The following RYR2 variants were observed in gnomAD, a reference collection of about 807,000 sequenced individuals.
RYR2 encodes the protein ryanodine receptor 2, also known as cardiac muscle ryanodine receptor-calcium release channel.
Under a neutral mutation model 601.1 loss-of-function variants are expected in RYR2, and 227 were observed. That is an observed-to-expected ratio of 0.38 (90% CI 0.34 to 0.42). The LOEUF (loss-of-function observed/expected upper bound fraction) is 0.42, where lower values mean the gene tolerates loss of function less well. Ranked by LOEUF, RYR2 falls within the 10% of genes least tolerant of loss-of-function variation. The pLI is 1.00. For synonymous variants in RYR2, 2,223 were observed against 2,175.1 expected (o/e 1.02, Z -0.61); for missense variants, 4,646 against 6,156.5 (o/e 0.75, Z 8.21).
In RYR2 at chr1:237,215,174, C is replaced by T. The variant is rs564973268; in HGVS notation, c.49-55323C>T. ...AAGCAACCTTGAAATTTGTTTTTTT[C>T]CCAGAATCATTTGAAAAACATTCCA... On this transcript the variant is annotated intron_variant, in intron 1 of 104. Transcript: ENST00000366574. 5.3e-5 allele frequency among the ~76,000 whole-genome samples: 8 copies of T among 152,208 alleles called. No individual in the cohort carries two copies. In the South Asian group the frequency reaches 1.7e-3, roughly 32 times the overall value.
chr1:237,151,005 A>G lies in RYR2; in HGVS notation c.48+108436A>G, dbSNP rs562209359. Among the ~76,000 whole-genome samples the G allele has an allele frequency of 5.3e-5, 8 of 152,284 alleles. No homozygotes were observed. The East Asian group carries it at 1.3e-3, about 26-fold the overall frequency. On this transcript the variant is annotated intron_variant, in intron 1 of 104. Transcript: ENST00000366574. ...GTTTCGATTTTGAAAGTGAGTTTAA[A>G]CAAATACACAGGAGTCACTGGAAAA...
intron 1 of RYR2, among the ~76,000 whole-genome samples, chr1:237,113,853 A>G (rs1287443543): frequency 1.3e-5 from 2 of 152,250 alleles, no homozygotes; most frequent in Admixed American, 1.3e-4. Context: ...TCACACAAGA[A>G]TAAAACTGTA....
intron 14 of RYR2, among the ~76,000 whole-genome samples, chr1:237,450,856 G>A (rs181117799): frequency 7.0e-4 from 107 of 152,188 alleles, no homozygotes; most frequent in African/African-American, 2.4e-3. Context: ...TTTCTCTTGT[G>A]CTTAACTGAC....
chr1:237,348,724 T>C (rs1251545526), intron 3 of RYR2, among the ~76,000 whole-genome samples: 1 of 151,938 alleles, frequency 6.6e-6, no homozygotes, highest in Non-Finnish European at 1.5e-5. Flanking sequence ...GGAGTCAGGA[T>C]CAAGAGAAAA....
chr1:237,395,181 G>T (rs1262668512), intron 10 of RYR2, among the ~76,000 whole-genome samples: 4 of 152,192 alleles, frequency 2.6e-5, no homozygotes, highest in African/African-American at 9.7e-5. Context: ...TATTCAGGAT[G>T]AAGTGAATGT....
At chr1:237,591,159 TTCCCCCTTCTCCTCC>T (rs1193499902) in intron 31 of RYR2, among the ~76,000 whole-genome samples, 167 bp downstream of exon 31, 35 of 35,928 alleles carry the variant, frequency 9.7e-4, no homozygotes, top group East Asian at 7.8e-3. Flanking sequence ...CCTCCTCCTC[TTCCCCCTTCTCCTCC>T]TCCCCCTTCT....
intron 1 of RYR2, among the ~76,000 whole-genome samples, chr1:237,152,874 C>T (rs563814739): frequency 2.6e-5 from 4 of 152,096 alleles, no homozygotes; most frequent in South Asian, 4.2e-4. Flanking sequence ...ACAGGCAACC[C>T]GCAGAATGGG....
At position 237,603,084 on chromosome 1, in the gene RYR2, A is replaced by G. The variant is rs147538365; in HGVS notation, c.4683+973A>G. Among the ~76,000 whole-genome samples, 195 of 152,348 alleles carry G rather than the reference A, an allele frequency of 1.3e-3. 1 individual carries two copies. The highest frequency in any genetic ancestry group is 4.6e-3 in the African/African-American group (192 of 41,596). ...CTGAATGTCAAAGTGAAGAAATTCAATGAAGGACGGGTAAACGGCGGGAGT... is the reference window on the plus strand; with the variant it reads ...CTGAATGTCAAAGTGAAGAAATTCAGTGAAGGACGGGTAAACGGCGGGAGT... On this transcript the variant is annotated intron_variant, in intron 35 of 104. Transcript: ENST00000366574.
intron 12 of RYR2, among the ~76,000 whole-genome samples, chr1:237,437,709 G>A (rs993836812): frequency 2.0e-5 from 3 of 152,174 alleles, no homozygotes; most frequent in Non-Finnish European, 2.9e-5. Context: ...ATATCCATAC[G>A]CACCTCTTAG....
intron 1 of RYR2, among the ~76,000 whole-genome samples, chr1:237,094,764 T>C (rs1176836145): frequency 6.6e-6 from 1 of 152,130 alleles, no homozygotes; most frequent in Non-Finnish European, 1.5e-5. Flanking sequence ...GCCAATTTTT[T>C]GTATTTTCGG....
intron 79 of RYR2, among the ~76,000 whole-genome samples, chr1:237,739,124 G>A (rs939700): frequency 0.22 from 32,867 of 152,134 alleles, 4,524 homozygotes; most frequent in East Asian, 0.55. Context: ...GGTTCTGCAC[G>A]TCCTCTCTAT....
At chr1:237,195,339 C>G (rs1558404889) in intron 1 of RYR2, among the ~76,000 whole-genome samples, 1 of 152,040 alleles carries the variant, frequency 6.6e-6, no homozygotes, top group Admixed American at 6.6e-5. Flanking sequence ...CCACAACATC[C>G]GCCTCCCACG....
chr1:237,768,178 T>C (rs919089534), intron 84 of RYR2, among the ~76,000 whole-genome samples: 1 of 152,202 alleles, frequency 6.6e-6, no homozygotes, highest in Non-Finnish European at 1.5e-5. Flanking sequence ...AAATGTAATT[T>C]TGAGAACATT....
chr1:237,703,400 G>T (rs2819759), intron 66 of RYR2, among the ~76,000 whole-genome samples: 29,030 of 150,570 alleles, frequency 0.19, 3,727 homozygotes, highest in East Asian at 0.52. Flanking sequence ...TGTTTACCTT[G>T]TCATTTGTGT....
chr1:237,576,418 C>A (rs1673226828), intron 29 of RYR2, among the ~76,000 whole-genome samples: 1 of 151,980 alleles, frequency 6.6e-6, no homozygotes, highest in African/African-American at 2.4e-5. Flanking sequence ...TGACAAATGG[C>A]ATAAAGTAGA....
At position 237,674,118 on chromosome 1, in the gene RYR2, G is replaced by A. The variant is rs1190363021; in HGVS notation, c.8613G>A (p.Leu2871=). The A allele has an allele frequency of 6.2e-7, 1 of 1,611,682 alleles. No homozygotes were observed. Among genetic ancestry groups the A allele is most frequent in the Non-Finnish European group, 8.5e-7 (1 of 1,178,120 alleles). The change falls in exon 59 of 105, where the codon CTG becomes CTA. Residue 2871 remains leucine, a synonymous_variant. Coordinates refer to ENST00000366574, the MANE Select transcript of RYR2 (RefSeq NM_001035.3). ...ESKGGGNHPL[L]VPYDTLTAKE... ...TAGGAGGAGGAAACCATCCTCTGCTGGTGCCCTATGATACACTGACAGCCA... is the reference window on the plus strand; with the variant it reads ...TAGGAGGAGGAAACCATCCTCTGCTAGTGCCCTATGATACACTGACAGCCA...
rs111925728 is a variant in RYR2, at chr1:237,361,197, G to A, written c.295-3161G>A. On this transcript the variant is annotated intron_variant, in intron 4 of 104. Transcript: ENST00000366574. ...AGCTTTTCAACCTCATATGCTATTA[G>A]GTAGTATATATTGATATTTGGAACT... 3.1e-3 allele frequency among the ~76,000 whole-genome samples: 467 copies of A among 152,192 alleles called. 1 individual carries two copies. The highest frequency in any genetic ancestry group is 0.011 in the African/African-American group (444 of 41,534).
chr1:237,633,562 C>A lies in RYR2; in HGVS notation c.6556-16C>A. The A allele has an allele frequency of 6.2e-7, 1 of 1,613,486 alleles. No individual in the cohort carries two copies. The highest frequency in any genetic ancestry group is 2.2e-5 in the East Asian group (1 of 44,872). ...GTCGTTTGCTTTCAGCAGCTAATGA[C>A]ATGCTTTATCTGTAGGAAATCACCT... On this transcript the variant is annotated splice_polypyrimidine_tract_variant and intron_variant, in intron 42 of 104. Coordinates refer to ENST00000366574, the MANE Select transcript of RYR2 (RefSeq NM_001035.3).
rs184264361 is a variant in RYR2, at chr1:237,517,474, C to T, written c.2822+5683C>T. ...GGGCCACACACAAAATACACTAACA[C>T]TAATGATAGCTGATGAACTAAAACA... On this transcript the variant is annotated intron_variant, in intron 24 of 104. Transcript: ENST00000366574. 2.6e-5 allele frequency among the ~76,000 whole-genome samples: 4 copies of T among 152,242 alleles called. No homozygotes were observed. In the East Asian group the frequency reaches 5.8e-4, roughly 22 times the overall value.
Sources: allele counts gnomAD v4.1 joint callset (sites outside exome capture counted in the v4.1 genomes callset), GRCh38; gene constraint gnomAD v4.1.1; transcripts MANE v1.5; gene names NCBI Gene and HGNC (gene_info 2026-07-23, HGNC 2026-07-21).